NKAIN2: variants seen among roughly 807,000 people sequenced by gnomAD.
NKAIN2 encodes the protein sodium/potassium transporting ATPase interacting 2.
In NKAIN2, 14 loss-of-function variants were observed where a neutral mutation model predicts 32.6. The ratio of observed to expected loss-of-function variants is 0.43; its 90% CI spans 0.28 to 0.67. The LOEUF is 0.67. NKAIN2 is among the 30% of genes least tolerant of loss of function. NKAIN2 has a pLI of 0.17. For missense variants in NKAIN2, 198 were observed against 258.3 expected (o/e 0.77, Z 1.60); for synonymous variants, 80 against 87.2 (o/e 0.92, Z 0.46).
chr6:124,666,857 T>C (rs986860574), intron 4 of NKAIN2, among the ~76,000 whole-genome samples: 1 of 152,162 alleles, frequency 6.6e-6, no homozygotes, highest in African/African-American at 2.4e-5. Flanking sequence ...CCCAGTTGTA[T>C]AACAAGCTGT....
At chr6:124,413,580 C>T (rs139498690) in intron 3 of NKAIN2, among the ~76,000 whole-genome samples, 1 of 152,106 alleles carries the variant, frequency 6.6e-6, no homozygotes, top group South Asian at 2.1e-4. Flanking sequence ...GTCAGTGTCT[C>T]AAAATATCTT....
intron 3 of NKAIN2, among the ~76,000 whole-genome samples, chr6:124,522,690 T>C (rs1779158512): frequency 6.6e-6 from 1 of 152,180 alleles, no homozygotes. Flanking sequence ...CATAGGACTC[T>C]AGAGTTGATC....
intron 1 of NKAIN2, among the ~76,000 whole-genome samples, chr6:124,156,142 A>G (rs1009710761): frequency 5.9e-5 from 9 of 151,994 alleles, no homozygotes; most frequent in Non-Finnish European, 1.3e-4. Context: ...TTGATTTTAG[A>G]CACTTAAGGG....
Position 124,107,625 on chromosome 6 carries a change from C to T in NKAIN2, c.55-175380C>T, listed in dbSNP as rs186711626. ...GTTGTTAACTATAGGCACAACGTTGCATGCAGATCTCTAGGACGTATTCAT... is the reference window on the plus strand; with the variant it reads ...GTTGTTAACTATAGGCACAACGTTGTATGCAGATCTCTAGGACGTATTCAT... On this transcript the variant is annotated intron_variant, in intron 1 of 6. Transcript: ENST00000368417. 2.6e-5 allele frequency among the ~76,000 whole-genome samples: 4 copies of T among 152,214 alleles called. No individual in the cohort carries two copies. The East Asian group carries it at 7.8e-4, about 30-fold the overall frequency.
At chr6:124,364,985 T>C (rs1179271480) in intron 3 of NKAIN2, among the ~76,000 whole-genome samples, 1 of 151,948 alleles carries the variant, frequency 6.6e-6, no homozygotes, top group Non-Finnish European at 1.5e-5. Flanking sequence ...ATATTTATGT[T>C]AGATTATAAT....
intron 1 of NKAIN2, among the ~76,000 whole-genome samples, chr6:124,058,862 G>A (rs886421171): frequency 2.6e-5 from 4 of 152,012 alleles, no homozygotes; most frequent in Non-Finnish European, 2.9e-5. Flanking sequence ...CTACCGTGGC[G>A]AAGTTTGCTG....
chr6:123,917,580 G>A (rs1033778662), intron 1 of NKAIN2, among the ~76,000 whole-genome samples: 1 of 152,098 alleles, frequency 6.6e-6, no homozygotes, highest in Admixed American at 6.6e-5. Context: ...TGCATTTTCA[G>A]TTTGGCACAT....
At chr6:124,631,538 C>G (rs1783567924) in intron 3 of NKAIN2, among the ~76,000 whole-genome samples, 1 of 152,246 alleles carries the variant, frequency 6.6e-6, no homozygotes, top group East Asian at 1.9e-4. Flanking sequence ...AGGCTTCTCT[C>G]TTGTAGGACC....
rs145618304 is a variant in NKAIN2, at chr6:124,345,146, C to T, written c.193-10121C>T. On this transcript the variant is annotated intron_variant, in intron 2 of 6. Transcript: ENST00000368417. ...ATGCTAGTTTACATTTATTGATTTG[C>T]GTGTATTGAACCAGCCTTGCATCCC... Among the ~76,000 whole-genome samples the T allele has an allele frequency of 5.5e-3, 841 of 151,956 alleles. 2 individuals are homozygous for T. The highest frequency in any genetic ancestry group is 0.019 in the African/African-American group (771 of 41,464).
chr6:124,084,547 G>A (rs1784109483), intron 1 of NKAIN2, among the ~76,000 whole-genome samples: 1 of 151,920 alleles, frequency 6.6e-6, no homozygotes, highest in Non-Finnish European at 1.5e-5. Flanking sequence ...TATCAACACA[G>A]GAATTGAAAT....
intron 1 of NKAIN2, among the ~76,000 whole-genome samples, chr6:124,273,015 A>G (rs140348597): frequency 2.2e-3 from 338 of 152,338 alleles, no homozygotes; most frequent in African/African-American, 7.7e-3. Context: ...TTGATTTTAC[A>G]GGCTCATAGG....
chr6:124,748,689 A>T (rs1040309194), intron 4 of NKAIN2, among the ~76,000 whole-genome samples: 1 of 151,962 alleles, frequency 6.6e-6, no homozygotes, highest in African/African-American at 2.4e-5. Context: ...GTTTTCTGCT[A>T]TTCAGAGCAC....
At position 124,529,736 on chromosome 6, in the gene NKAIN2, G is replaced by A. The variant is rs571654909; in HGVS notation, c.274-128450G>A. 3.3e-5 allele frequency among the ~76,000 whole-genome samples: 5 copies of A among 152,222 alleles called. No homozygotes were observed. In the East Asian group the frequency reaches 7.7e-4, roughly 24 times the overall value. On this transcript the variant is annotated intron_variant, in intron 3 of 6. Transcript: ENST00000368417. ...TGAGGCCTAGTCAAGAATAGCAGAT[G>A]TTTTCTACTCTTGAATTTCATAATT...
intron 1 of NKAIN2, among the ~76,000 whole-genome samples, chr6:124,106,489 C>G (rs955520380): frequency 6.6e-6 from 1 of 152,076 alleles, no homozygotes; most frequent in Non-Finnish European, 1.5e-5. Context: ...GTGCAGCAAT[C>G]GATAAATGCT....
chr6:123,972,647 G>A (rs1778394835), intron 1 of NKAIN2, among the ~76,000 whole-genome samples: 1 of 152,070 alleles, frequency 6.6e-6, no homozygotes, highest in African/African-American at 2.4e-5. Flanking sequence ...AGTCCCCCTT[G>A]CCTTATTAAT....
At chr6:124,182,228 T>G (rs1184540426) in intron 1 of NKAIN2, among the ~76,000 whole-genome samples, 1 of 152,176 alleles carries the variant, frequency 6.6e-6, no homozygotes, top group Non-Finnish European at 1.5e-5. Context: ...GTTCCCATGA[T>G]TCAGTTACCT....
At chr6:124,459,499 T>A (rs1296357221) in intron 3 of NKAIN2, among the ~76,000 whole-genome samples, 1 of 151,888 alleles carries the variant, frequency 6.6e-6, no homozygotes, top group African/African-American at 2.4e-5. Context: ...TAATCACAAA[T>A]GACAGCTGAA....
Position 123,908,460 on chromosome 6 carries a change from T to G in NKAIN2, c.54+104206T>G, listed in dbSNP as rs182890556. ...TATTCTATTTTTAAGCTTTTTCAAA[T>G]CGAATAGATTGCTTAGTAAATGCTC... On this transcript the variant is annotated intron_variant, in intron 1 of 6. Coordinates refer to ENST00000368417, the MANE Select transcript of NKAIN2 (RefSeq NM_001040214.3). Among the ~76,000 whole-genome samples, 12 of 152,340 alleles carry G rather than the reference T, an allele frequency of 7.9e-5. No individual in the cohort carries two copies. The East Asian group carries it at 2.3e-3, about 29-fold the overall frequency.
At chr6:124,182,126 C>G (rs959582551) in intron 1 of NKAIN2, among the ~76,000 whole-genome samples, 1 of 152,146 alleles carries the variant, frequency 6.6e-6, no homozygotes, top group African/African-American at 2.4e-5. Context: ...TGGCAGCAGG[C>G]AAGAGAGCAT....
Sources: allele counts gnomAD v4.1 joint callset (sites outside exome capture counted in the v4.1 genomes callset), GRCh38; gene constraint gnomAD v4.1.1; transcripts MANE v1.5; gene names NCBI Gene and HGNC (gene_info 2026-07-23, HGNC 2026-07-21).